The following LRRTM3 variants were observed in gnomAD, a reference collection of about 807,000 sequenced individuals.
The protein encoded by LRRTM3 is leucine rich repeat transmembrane neuronal 3.
LRRTM3 carries 24 observed loss-of-function variants against 44.7 expected under a neutral mutation model. The observed-to-expected ratio is 0.54, with a 90% CI of 0.39 to 0.76. The LOEUF is 0.76. Ranked by LOEUF, LRRTM3 falls within the 30% of genes least tolerant of loss-of-function variation. The pLI is 0.00. For missense variants in LRRTM3, 587 were observed against 702.2 expected (o/e 0.84, Z 1.85); for synonymous variants, 277 against 278.7 (o/e 0.99, Z 0.06).
chr10:66,992,945 T>C (rs541408233), intron 2 of LRRTM3, among the ~76,000 whole-genome samples: 17 of 152,330 alleles, frequency 1.1e-4, no homozygotes, highest in African/African-American at 3.8e-4. Flanking sequence ...TTAATTGTTA[T>C]AGCTTTATAA....
intron 2 of LRRTM3, among the ~76,000 whole-genome samples, chr10:66,986,794 G>C (rs961765423): frequency 9.2e-5 from 14 of 152,096 alleles, no homozygotes; most frequent in African/African-American, 3.1e-4. Flanking sequence ...TAACACATAT[G>C]ATAGTCAATC....
At chr10:67,068,438 A>G (rs919442407) in intron 2 of LRRTM3, among the ~76,000 whole-genome samples, 3 of 152,218 alleles carry the variant, frequency 2.0e-5, no homozygotes, top group Non-Finnish European at 4.4e-5. Context: ...AATACGTAAG[A>G]CTAGAACCCT....
At chr10:66,971,497 T>C (rs1849723255) in intron 2 of LRRTM3, among the ~76,000 whole-genome samples, 1 of 152,150 alleles carries the variant, frequency 6.6e-6, no homozygotes, top group African/African-American at 2.4e-5. Context: ...TAAATCCCAA[T>C]TGTACTCTTT....
intron 2 of LRRTM3, among the ~76,000 whole-genome samples, chr10:66,978,455 A>AGGCG (rs1850191279): frequency 7.3e-6 from 1 of 136,624 alleles, no homozygotes. Flanking sequence ...TTAACCTGGG[A>AGGCG]GGCGGAGGTT....
intron 2 of LRRTM3, among the ~76,000 whole-genome samples, chr10:66,938,375 TAAAG>T (rs1056642532): frequency 2.6e-5 from 4 of 152,134 alleles, no homozygotes; most frequent in South Asian, 2.1e-4. Context: ...ACTGATAATA[TAAAG>T]AGTCAACCCA....
At chr10:67,065,516 C>A (rs1856021560) in intron 2 of LRRTM3, among the ~76,000 whole-genome samples, 1 of 152,012 alleles carries the variant, frequency 6.6e-6, no homozygotes, top group African/African-American at 2.4e-5. Flanking sequence ...ACATCTGTTC[C>A]ATCTTCTTCC....
intron 2 of LRRTM3, among the ~76,000 whole-genome samples, chr10:66,970,578 A>G (rs1260034003): frequency 6.6e-6 from 1 of 152,082 alleles, no homozygotes; most frequent in Non-Finnish European, 1.5e-5. Context: ...AATAATGCCA[A>G]GAAAATACAT....
At chr10:66,983,241 A>G (rs1004095002) in intron 2 of LRRTM3, among the ~76,000 whole-genome samples, 1 of 152,136 alleles carries the variant, frequency 6.6e-6, no homozygotes, top group Non-Finnish European at 1.5e-5. Flanking sequence ...CACAGATTTC[A>G]TTCCATCCTA....
At chr10:67,089,188 G>A (rs1857487019) in intron 2 of LRRTM3, among the ~76,000 whole-genome samples, 1 of 151,988 alleles carries the variant, frequency 6.6e-6, no homozygotes, top group Non-Finnish European at 1.5e-5. Flanking sequence ...GACTGTACTT[G>A]TGACCTCAGA....
intron 2 of LRRTM3, among the ~76,000 whole-genome samples, chr10:66,960,940 A>G (rs1179089468): frequency 1.3e-5 from 2 of 152,168 alleles, no homozygotes; most frequent in Non-Finnish European, 2.9e-5. Context: ...AAGGACTACT[A>G]GTTAATCACA....
chr10:67,025,144 A>AG (rs1183609716), intron 2 of LRRTM3, among the ~76,000 whole-genome samples: 8 of 147,270 alleles, frequency 5.4e-5, no homozygotes, highest in African/African-American at 2.1e-4. Flanking sequence ...ACAAAAAAAA[A>AG]AAAGAAAGAA....
At chr10:67,069,132 A>G (rs1016202227) in intron 2 of LRRTM3, among the ~76,000 whole-genome samples, 3 of 152,078 alleles carry the variant, frequency 2.0e-5, no homozygotes, top group African/African-American at 7.2e-5. Context: ...CATGAGTTTA[A>G]GAGGAAATGG....
chr10:66,937,484 C>T (rs1925573), intron 2 of LRRTM3, among the ~76,000 whole-genome samples: 1 of 152,140 alleles, frequency 6.6e-6, no homozygotes, highest in Admixed American at 6.6e-5. Context: ...CTCAGTACCA[C>T]AATGCGCTTT....
intron 2 of LRRTM3, among the ~76,000 whole-genome samples, chr10:66,956,127 G>T (rs1039296640): frequency 1.3e-5 from 2 of 151,832 alleles, no homozygotes; most frequent in Non-Finnish European, 2.9e-5. Context: ...GAACCTTTTT[G>T]CTTGTTAGCC....
intron 2 of LRRTM3, among the ~76,000 whole-genome samples, chr10:66,988,167 A>T (rs1850842857): frequency 6.6e-6 from 1 of 152,126 alleles, no homozygotes; most frequent in African/African-American, 2.4e-5. Context: ...GGCATCATAA[A>T]CTTGGATCAG....
intron 2 of LRRTM3, among the ~76,000 whole-genome samples, chr10:67,048,108 A>G (rs1854862616): frequency 6.6e-6 from 1 of 152,096 alleles, no homozygotes; most frequent in South Asian, 2.1e-4. Context: ...TATTTTGTAA[A>G]AAGAAACATC....
chr10:67,023,139 T>C (rs1365605931), intron 2 of LRRTM3, among the ~76,000 whole-genome samples: 1 of 152,140 alleles, frequency 6.6e-6, no homozygotes, highest in Non-Finnish European at 1.5e-5. Flanking sequence ...AATTGACAAG[T>C]AGATTCTAAT....
At chr10:66,995,058 C>A (rs1851253690) in intron 2 of LRRTM3, among the ~76,000 whole-genome samples, 1 of 152,164 alleles carries the variant, frequency 6.6e-6, no homozygotes, top group Non-Finnish European at 1.5e-5. Flanking sequence ...AAATCTAGAT[C>A]TCTAGCCCAA....
chr10:66,948,805 A>G (rs1220436137), intron 2 of LRRTM3, among the ~76,000 whole-genome samples: 2 of 152,166 alleles, frequency 1.3e-5, no homozygotes, highest in East Asian at 3.9e-4. Context: ...CAGAAACTCA[A>G]TGTGAATCCA....
Sources: gnomAD v4.1 joint callset for allele counts (sites outside exome capture counted in the v4.1 genomes callset) on GRCh38, gnomAD v4.1.1 for gene constraint, MANE v1.5 for transcripts, NCBI Gene and HGNC (gene_info 2026-07-23, HGNC 2026-07-21) for gene names.